The following EML6 variants were observed in gnomAD, a reference collection of about 807,000 sequenced individuals.
EML6 encodes the protein EMAP like 6, also known as echinoderm microtubule-associated protein-like 6.
A neutral mutation model predicts 240.1 loss-of-function variants in EML6; 154 were observed. The ratio of observed to expected loss-of-function variants is 0.64; its 90% CI spans 0.56 to 0.73. The LOEUF (loss-of-function observed/expected upper bound fraction) is 0.73. Ranked by LOEUF, EML6 falls within the 30% of genes least tolerant of loss-of-function variation. The probability of loss-of-function intolerance (pLI) is 0.00; values close to 1 mark genes in which losing one functional copy is unlikely to be tolerated. For missense variants in EML6, 2,964 were observed against 2,474.6 expected, an observed-to-expected ratio of 1.20 and a Z score of -4.20; for synonymous variants, 1,148 against 899.0, an observed-to-expected ratio of 1.28 and a Z score of -4.95.
chr2:54,794,832 G>T (rs1186489307), intron 2 of EML6, among the ~76,000 whole-genome samples: 2 of 152,142 alleles, frequency 1.3e-5, no homozygotes, highest in African/African-American at 2.4e-5. Context: ...CCTAAAGGAG[G>T]GTCATTGGAG....
At chr2:54,939,837 A>G (rs1675338111) in intron 28 of EML6, among the ~76,000 whole-genome samples, 1 of 152,236 alleles carries the variant, frequency 6.6e-6, no homozygotes, top group Non-Finnish European at 1.5e-5. Context: ...AGAGAGGGGA[A>G]AGGAACCATT....
intron 26 of EML6, among the ~76,000 whole-genome samples, chr2:54,923,045 G>T (rs1433690450): frequency 1.4e-5 from 2 of 143,372 alleles, no homozygotes; most frequent in African/African-American, 5.2e-5. Context: ...GGGTTCAACC[G>T]ATTCTCCTGC....
intron 2 of EML6, among the ~76,000 whole-genome samples, chr2:54,735,913 C>G (rs954873964): frequency 1.3e-5 from 2 of 152,178 alleles, no homozygotes; most frequent in Non-Finnish European, 2.9e-5. Flanking sequence ...AGAAGTAGGG[C>G]TTCGAGGGAA....
chr2:54,893,836 G>GTTGTT lies in EML6; in HGVS notation c.2743-1061_2743-1057dup, dbSNP rs763925226. Among the ~76,000 whole-genome samples the GTTGTT allele has an allele frequency of 4.7e-4, 72 of 152,200 alleles. 1 individual carries two copies. Among genetic ancestry groups the GTTGTT allele is most frequent in the Non-Finnish European group, 9.4e-4 (64 of 68,000 alleles). ...TAACGGTTGTTTTGCTGGCAAAGGT[G>GTTGTT]TTGTTTTGTTTTGTTTTGTTTTTTT... On this transcript the variant is annotated intron_variant, in intron 19 of 41. Transcript: ENST00000356458.
chr2:54,797,235 T>C (rs1669865746), intron 2 of EML6, among the ~76,000 whole-genome samples: 1 of 151,010 alleles, frequency 6.6e-6, no homozygotes, highest in African/African-American at 2.4e-5. Flanking sequence ...GCTGTATTTA[T>C]TATAATAAGC....
rs1425244222 is a variant in EML6, at chr2:54,774,028, G to T, written c.198-39204G>T. ...TTCATGTCTGCATTCCAGCCAGCAG[G>T]AGGAGAAAGAGGGGCACTGCTAAGA... On this transcript the variant is annotated intron_variant, in intron 2 of 41. Transcript: ENST00000356458. This position sits in a 1 kb window ranked among gnomAD's most constrained non-coding sequence, Gnocchi z 4.1. Among the ~76,000 whole-genome samples, 2 of 152,220 alleles carry T rather than the reference G, an allele frequency of 1.3e-5. No individual in the cohort carries two copies. The highest frequency in any genetic ancestry group is 2.9e-5 in the Non-Finnish European group (2 of 68,042).
chr2:54,820,767 C>A (rs375107448), intron 5 of EML6, among the ~76,000 whole-genome samples: 2 of 152,002 alleles, frequency 1.3e-5, no homozygotes, highest in African/African-American at 4.8e-5. Flanking sequence ...TAAAACAGTG[C>A]TTATTTTAAT....
chr2:54,890,245 A>C (rs531609952), intron 17 of EML6, among the ~76,000 whole-genome samples: 2 of 152,294 alleles, frequency 1.3e-5, no homozygotes, highest in South Asian at 4.1e-4. Flanking sequence ...TATTGTTTTT[A>C]ATATGCTTTC....
chr2:54,843,301 A>G (rs1669560683), intron 7 of EML6, among the ~76,000 whole-genome samples: 1 of 152,148 alleles, frequency 6.6e-6, no homozygotes, highest in South Asian at 2.1e-4. Flanking sequence ...GGTGTTGCAC[A>G]CCTGTAGTCC....
At position 54,971,503 on chromosome 2, in the gene EML6, A is replaced by G. The variant is rs1487562401; in HGVS notation, c.*1408A>G. On this transcript the variant is annotated 3_prime_UTR_variant, in exon 42 of 42. Coordinates refer to ENST00000356458, the MANE Select transcript of EML6 (RefSeq NM_001039753.4). ...GTCAGTTTAGAGAAAAGGTAAAATG[A>G]GGCATTTTCAATTGTAGAATAGACT... is the stretch of plus-strand genomic sequence containing the variant. 6.6e-6 allele frequency: 1 copy of G among 152,258 alleles called. No individual in the cohort carries two copies. The highest frequency in any genetic ancestry group is 1.5e-5 in the Non-Finnish European group (1 of 68,052). The allele number at this position is 152,258 out of a possible 1,614,324, so 9.4% of individuals were successfully genotyped here.
At chr2:54,817,234 A>T (rs1263217361) in intron 4 of EML6, among the ~76,000 whole-genome samples, 1 of 152,234 alleles carries the variant, frequency 6.6e-6, no homozygotes, top group Non-Finnish European at 1.5e-5. Context: ...ACAAAATATG[A>T]TTACAAGGGT....
At chr2:54,880,976 G>C (rs1174510216) in intron 17 of EML6, 5 of 152,178 alleles carry the variant, frequency 3.3e-5, no homozygotes, top group Non-Finnish European at 7.4e-5. Context: ...TATTAAAATA[G>C]TATATATTTT....
chr2:54,917,387 C>T (rs1245023355), intron 26 of EML6, among the ~76,000 whole-genome samples: 11 of 119,600 alleles, frequency 9.2e-5, no homozygotes, highest in Non-Finnish European at 1.5e-4. Flanking sequence ...TTTTTTGAGA[C>T]GGAGTTTCAC....
At chr2:54,780,568 T>C (rs1441136636) in intron 2 of EML6, among the ~76,000 whole-genome samples, 1 of 152,202 alleles carries the variant, frequency 6.6e-6, no homozygotes, top group Non-Finnish European at 1.5e-5. Flanking sequence ...GTCTATAATA[T>C]TGGAGATCTG....
chr2:54,877,081 C>T (rs938230059), intron 16 of EML6, among the ~76,000 whole-genome samples: 4 of 151,854 alleles, frequency 2.6e-5, no homozygotes, highest in Non-Finnish European at 5.9e-5. Context: ...CTCCTGAGCT[C>T]AATCGATCCT....
intron 39 of EML6, 57 bp downstream of exon 39, chr2:54,967,160 A>C: frequency 9.6e-6 from 11 of 1,143,674 alleles, no homozygotes; most frequent in Non-Finnish European, 1.4e-5. Context: ...CTCTTGTCTC[A>C]CTCAGGCTCA....
At chr2:54,867,207 T>G (rs1671018218) in intron 14 of EML6, 1 of 189,474 alleles carries the variant, frequency 5.3e-6, no homozygotes, top group Admixed American at 5.8e-5. Context: ...CTCTTTCTCC[T>G]TTCCCCTAAT....
intron 3 of EML6, among the ~76,000 whole-genome samples, chr2:54,814,413 G>A (rs754358153): frequency 6.6e-6 from 1 of 152,212 alleles, no homozygotes. Flanking sequence ...AGGTTGATAC[G>A]TTCTAGAAAA....
intron 41 of EML6, among the ~76,000 whole-genome samples, chr2:54,969,061 A>G (rs1421603568): frequency 2.0e-5 from 3 of 152,310 alleles, no homozygotes; most frequent in South Asian, 4.1e-4. Flanking sequence ...ATGACACCCG[A>G]GATGGCTGAT....
Sources: gnomAD v4.1 joint callset for allele counts (sites outside exome capture counted in the v4.1 genomes callset) on GRCh38, gnomAD v4.1.1 for gene constraint, Gnocchi (gnomAD v3.1) non-coding constraint, MANE v1.5 for transcripts, NCBI Gene and HGNC (gene_info 2026-07-23, HGNC 2026-07-21) for gene names.